Variants in ZNF114 observed in about 807,000 individuals in gnomAD.
ZNF114 encodes the protein zinc finger protein 114.
Under a neutral mutation model 6.8 loss-of-function variants are expected in ZNF114, and 8 were observed. That is an observed-to-expected ratio of 1.18 (90% CI 0.69 to 2.13). The LOEUF (loss-of-function observed/expected upper bound fraction) is 2.13. ZNF114 is among the 30% of genes most tolerant of loss of function. The probability of loss-of-function intolerance (pLI) is 0.00; values close to 1 mark genes in which losing one functional copy is unlikely to be tolerated. For synonymous variants in ZNF114, 169 were observed against 185.5 expected, an observed-to-expected ratio of 0.91 and a Z score of 0.72; for missense variants, 472 against 519.5, an observed-to-expected ratio of 0.91 and a Z score of 0.89.
intron 4 of ZNF114, 171 bp from the exon 5 acceptor site, chr19:48,282,200 A>C (rs1968011252): frequency 1.1e-6 from 1 of 896,260 alleles, no homozygotes; most frequent in South Asian, 1.7e-5. Context: ...GCCCGGCCAC[A>C]ACCTCATCTT....
chr19:48,274,044 A>G (rs1248069416), intron 3 of ZNF114, among the ~76,000 whole-genome samples: 1 of 151,436 alleles, frequency 6.6e-6, no homozygotes, highest in Non-Finnish European at 1.5e-5. Context: ...GGCGTGAGCC[A>G]CCGTGCCTGG....
Position 48,286,059 on chromosome 19 carries a change from C to G in ZNF114, c.435C>G (p.Ser145=), listed in dbSNP as rs145398028. 176 of 1,613,976 alleles carry G rather than the reference C, an allele frequency of 1.1e-4. No individual in the cohort carries two copies. In the African/African-American group the frequency reaches 2.3e-3, roughly 21 times the overall value. ...TCRLVPSQGD[S]IRQCILTRDS... ...GGCTTGTGCCTTCACAGGGAGATTC[C>G]ATAAGACAATGTATCCTAACACGTG... The change falls in exon 6 of 6, where the codon TCC becomes TCG. Residue 145 remains serine, a synonymous_variant. Coordinates refer to ENST00000595607, the MANE Select transcript of ZNF114 (RefSeq NM_153608.4).
intron 3 of ZNF114, among the ~76,000 whole-genome samples, chr19:48,278,631 C>G (rs984513672): frequency 6.6e-6 from 1 of 151,902 alleles, no homozygotes; most frequent in Non-Finnish European, 1.5e-5. Context: ...TGGGTTGTCT[C>G]TACTTTGGGC....
chr19:48,279,922 G>A (rs561776194), intron 4 of ZNF114, 114 bp downstream of exon 4: 57 of 1,475,128 alleles, frequency 3.9e-5, no homozygotes, highest in Admixed American at 3.6e-4. Flanking sequence ...AGGGCCCCCC[G>A]CCAGCCGTGC....
rs193065211 is a variant in ZNF114, at chr19:48,286,291, C to T, written c.667C>T (p.Arg223Trp). 47 of 1,614,150 alleles carry T rather than the reference C, an allele frequency of 2.9e-5. No individual in the cohort carries two copies. In the Middle Eastern group the frequency reaches 4.9e-4, roughly 17 times the overall value. ...EIDTGANRHQ[R>W]NPFGKAFRED... ...TGATACGGGGGCCAACAGGCACCAG[C>T]GGAATCCATTTGGAAAAGCTTTCCG... The change falls in exon 6 of 6, where the codon CGG becomes TGG. Residue 223 changes from arginine (R) to tryptophan (W), a missense_variant. Physicochemically the swap from Arg to Trp is moderately radical, Grantham distance 101 (BLOSUM62 -3). Coordinates refer to ENST00000595607, the MANE Select transcript of ZNF114 (RefSeq NM_153608.4).
chr19:48,285,644 G>C (rs1271421624), intron 5 of ZNF114, 117 bp from the exon 6 acceptor site: 1 of 1,121,984 alleles, frequency 8.9e-7, no homozygotes, highest in African/African-American at 1.6e-5. Context: ...GCGAGGGAGG[G>C]AGGGAAAGAA....
chr19:48,286,061 T>A lies in ZNF114; in HGVS notation c.437T>A (p.Ile146Lys). Residue 146 changes from isoleucine to lysine, a missense_variant, in exon 6 of 6, where the codon ATA (isoleucine) becomes AAA (lysine). Transcript: ENST00000595607. ...CRLVPSQGDS[I>K]RQCILTRDSS... The stretch of plus-strand genomic sequence containing the variant: ...CTTGTGCCTTCACAGGGAGATTCCA[T>A]AAGACAATGTATCCTAACACGTGAC... The A allele has an allele frequency of 6.2e-7, 1 of 1,614,070 alleles. No homozygotes were observed. Among genetic ancestry groups the A allele is most frequent in the Non-Finnish European group, 8.5e-7 (1 of 1,180,050 alleles).
At chr19:48,274,905 C>G (rs377168728) in intron 3 of ZNF114, among the ~76,000 whole-genome samples, 8 of 152,192 alleles carry the variant, frequency 5.3e-5, no homozygotes, top group African/African-American at 1.9e-4. Context: ...ATGACATTTA[C>G]TAGTTGGAGT....
chr19:48,278,683 C>G (rs1967912247), intron 3 of ZNF114, among the ~76,000 whole-genome samples: 1 of 152,092 alleles, frequency 6.6e-6, no homozygotes, highest in Non-Finnish European at 1.5e-5. Context: ...TGCTCACACC[C>G]CTAATTCCAG....
intron 3 of ZNF114, among the ~76,000 whole-genome samples, chr19:48,277,220 C>T (rs1056461222): frequency 4.6e-5 from 7 of 151,910 alleles, no homozygotes; most frequent in Non-Finnish European, 7.4e-5. Flanking sequence ...TGGTGGCAGG[C>T]GCTTGTGGTC....
At position 48,285,696 on chromosome 19, in the gene ZNF114, G is replaced by A; in HGVS notation, c.137-65G>A. ...AGAAATCCACACGGAGATTGCCTAT[G>A]TCATCATCTCTAACCCACCTTTACT... On this transcript the variant is annotated intron_variant, in intron 5 of 5. Coordinates refer to ENST00000595607, the MANE Select transcript of ZNF114 (RefSeq NM_153608.4). The A allele has an allele frequency of 2.0e-6, 3 of 1,516,128 alleles. 1 individual carries two copies. The highest frequency in any genetic ancestry group is 1.8e-6 in the Non-Finnish European group (2 of 1,132,410). The allele number at this position is 1,516,128 out of a possible 1,614,324, so 93.9% of individuals were successfully genotyped here. A position where few individuals can be genotyped will look rare whatever the true frequency, so the allele number is the denominator to read the frequency against.
intron 1 of ZNF114, chr19:48,271,018 T>C (rs1325872644): frequency 2.1e-5 from 3 of 145,010 alleles, no homozygotes; most frequent in Non-Finnish European, 3.0e-5. Flanking sequence ...ATCGCGCCAC[T>C]GCACTCCAGC....
In ZNF114 at chr19:48,285,703, T is replaced by A. The variant is rs1968102959; in HGVS notation, c.137-58T>A. ...CACACGGAGATTGCCTATGTCATCA[T>A]CTCTAACCCACCTTTACTTTCAACA... On this transcript the variant is annotated intron_variant, in intron 5 of 5. Transcript: ENST00000595607. 5 of 1,540,478 alleles carry A rather than the reference T, an allele frequency of 3.2e-6. No individual in the cohort carries two copies. The East Asian group carries it at 1.1e-4, about 35-fold the overall frequency.
intron 5 of ZNF114, among the ~76,000 whole-genome samples, chr19:48,284,449 GA>G (rs1019831761): frequency 4.8e-4 from 73 of 151,690 alleles, no homozygotes; most frequent in African/African-American, 1.8e-3. Context: ...AAAAAAGAAA[GA>G]AAAAAACAGG....
chr19:48,286,603 A>T lies in ZNF114; in HGVS notation c.979A>T (p.Thr327Ser). ...SFLMRHMKIH[T>S]GEKPYECGKC... is the part of the protein sequence containing the mutation. ...CCTTATGAGACATATGAAAATTCAC[A>T]CTGGAGAGAAACCGTATGAATGTGG... Residue 327 changes from threonine (T) to serine (S), a missense_variant, in exon 6 of 6, where the codon ACT (threonine) becomes TCT (serine). Transcript: ENST00000595607. The T allele has an allele frequency of 2.5e-6, 4 of 1,614,116 alleles. No individual in the cohort carries two copies. Among genetic ancestry groups the T allele is most frequent in the Non-Finnish European group, 3.4e-6 (4 of 1,180,038 alleles).
rs145899288 is a variant in ZNF114 at position 48,281,156 on chromosome 19, C to T, written c.10-1215C>T. Among the ~76,000 whole-genome samples, 43 of 152,230 alleles carry T rather than the reference C, an allele frequency of 2.8e-4. 1 individual carries two copies. The highest frequency in any genetic ancestry group is 1.0e-3 in the African/African-American group (42 of 41,546). On this transcript the variant is annotated intron_variant, in intron 4 of 5. Transcript: ENST00000595607. ...AGACCCTGTCTCAGAAGAAAGAGCACCTGAGTCATACGACCGGACGTCAGT... is the reference window on the plus strand; with the variant it reads ...AGACCCTGTCTCAGAAGAAAGAGCATCTGAGTCATACGACCGGACGTCAGT...
At chr19:48,275,458 A>AC (rs1600837639) in intron 3 of ZNF114, among the ~76,000 whole-genome samples, 11 of 145,160 alleles carry the variant, frequency 7.6e-5, no homozygotes, top group Middle Eastern at 3.3e-3. Flanking sequence ...ACACACACAC[A>AC]AAATAGCCAG....
chr19:48,272,938 G>A (rs1021190184), intron 3 of ZNF114, among the ~76,000 whole-genome samples: 11 of 151,724 alleles, frequency 7.3e-5, no homozygotes, highest in African/African-American at 2.7e-4. Flanking sequence ...TGGGACTACA[G>A]GCGCCCGCCA....
chr19:48,281,004 G>A (rs1395475198), intron 4 of ZNF114, among the ~76,000 whole-genome samples: 2 of 151,810 alleles, frequency 1.3e-5, no homozygotes, highest in East Asian at 2.0e-4. Context: ...AGGGCCACAG[G>A]TGATGGTGTG....
Sources: gnomAD v4.1 joint callset for allele counts (sites outside exome capture counted in the v4.1 genomes callset) on GRCh38, gnomAD v4.1.1 for gene constraint, MANE v1.5 for transcripts, NCBI Gene and HGNC (gene_info 2026-07-23, HGNC 2026-07-21) for gene names.